DMD: variants seen among roughly 807,000 people sequenced by gnomAD.
DMD encodes the protein mutant dystrophin.
In DMD, 63 loss-of-function variants were observed where a neutral mutation model predicts 330.1. That is an observed-to-expected ratio of 0.19 (90% CI 0.16 to 0.24). DMD has a LOEUF of 0.24. Ranked by LOEUF, DMD falls within the 10% of genes least tolerant of loss-of-function variation. The probability of loss-of-function intolerance (pLI) is 1.00; values close to 1 mark genes in which losing one functional copy is unlikely to be tolerated. For synonymous variants in DMD, 1,223 were observed against 959.8 expected, an observed-to-expected ratio of 1.27 and a Z score of -5.07; for missense variants, 3,344 against 2,684.1, an observed-to-expected ratio of 1.25 and a Z score of -5.43.
chrX:31,375,580 C>T (rs774202509), intron 60 of DMD, among the ~76,000 whole-genome samples: 22 of 111,701 alleles, frequency 2.0e-4, no homozygotes, highest in Non-Finnish European at 3.2e-4. Context: ...TACTTGAGGA[C>T]ATTATGCTAC....
intron 44 of DMD, among the ~76,000 whole-genome samples, chrX:32,001,234 CT>C (rs911818761): frequency 9.0e-6 from 1 of 110,712 alleles, no homozygotes; most frequent in Non-Finnish European, 1.9e-5. Flanking sequence ...AAACTGTACA[CT>C]TTAAAAAGGC....
At chrX:32,762,167 A>T (rs5972665) in intron 7 of DMD, among the ~76,000 whole-genome samples, 1 of 105,374 alleles carries the variant, frequency 9.5e-6, no homozygotes, top group African/African-American at 3.5e-5. Context: ...AGAAAAAAAA[A>T]GAAAAAAAAA....
At chrX:32,113,441 A>G (rs1325663395) in intron 44 of DMD, among the ~76,000 whole-genome samples, 1 of 112,426 alleles carries the variant, frequency 8.9e-6, no homozygotes, top group Non-Finnish European at 1.9e-5. Flanking sequence ...TACAATTATT[A>G]TGTATCAATT....
intron 78 of DMD, among the ~76,000 whole-genome samples, chrX:31,122,616 G>C (rs1001842534): frequency 9.0e-6 from 1 of 111,358 alleles, no homozygotes; most frequent in Non-Finnish European, 1.9e-5. Context: ...ATTTGAATTA[G>C]GAAACCTCAG....
intron 63 of DMD, among the ~76,000 whole-genome samples, chrX:31,245,664 T>C (rs1038932344): frequency 2.7e-5 from 3 of 111,882 alleles, no homozygotes; most frequent in Admixed American, 9.5e-5. Flanking sequence ...AAATTTGTCA[T>C]TATTTTTATA....
At chrX:31,366,939 G>T (rs1376194845) in intron 60 of DMD, among the ~76,000 whole-genome samples, 6 of 110,346 alleles carry the variant, frequency 5.4e-5, no homozygotes, top group African/African-American at 2.0e-4. Flanking sequence ...AAATTAGGGG[G>T]TCCCTCTTCC....
rs191592754 is a variant in DMD, at chrX:32,010,584, C to G, written c.6439-42070G>C. Among the ~76,000 whole-genome samples, 23 of 111,685 alleles carry G rather than the reference C, an allele frequency of 2.1e-4. No individual in the cohort carries two copies. The Admixed American group carries it at 2.2e-3, about 11-fold the overall frequency. ...AAATACTAGCAGTCACCAAAATAAT[C>G]CAGGCTCTGGGCGTCACTGCACAAT... On this transcript the variant is annotated intron_variant, in intron 44 of 78. Transcript: ENST00000357033.
chrX:32,256,312 G>T (rs1569554152), intron 43 of DMD, among the ~76,000 whole-genome samples: 1 of 102,419 alleles, frequency 9.8e-6, no homozygotes, highest in African/African-American at 3.6e-5. Context: ...TGTAACCCCT[G>T]TTTTTTTTTT....
At chrX:32,396,928 C>T (rs911195829) in intron 30 of DMD, among the ~76,000 whole-genome samples, 2 of 111,138 alleles carry the variant, frequency 1.8e-5, no homozygotes, top group East Asian at 5.6e-4. Context: ...GTAAAAAATG[C>T]TTAGCACTTT....
At chrX:32,767,174 C>A (rs767839635) in intron 7 of DMD, among the ~76,000 whole-genome samples, 1 of 111,514 alleles carries the variant, frequency 9.0e-6, no homozygotes, top group Non-Finnish European at 1.9e-5. Context: ...TTTTGAGGCT[C>A]ATTTGCATAT....
chrX:33,062,223 A>G (rs1471487614), intron 1 of DMD, among the ~76,000 whole-genome samples: 1 of 112,011 alleles, frequency 8.9e-6, no homozygotes, highest in Non-Finnish European at 1.9e-5. Flanking sequence ...AAAATGCAGG[A>G]ACTCTGAATT....
In DMD at chrX:31,178,649, C is replaced by T. The variant is rs886042643; in HGVS notation, c.10223+20G>A. On this transcript the variant is annotated intron_variant, in intron 70 of 78. Coordinates refer to ENST00000357033, the MANE Select transcript of DMD (RefSeq NM_004006.3). ...AATATACATCAAACAAGAGTGTGTT[C>T]TGCTTTTGCTACTACTCACGTTTCC... 1.7e-6 allele frequency: 2 copies of T among 1,197,473 alleles called. No homozygotes were observed. Among genetic ancestry groups the T allele is most frequent in the African/African-American group, 1.8e-5 (1 of 56,997 alleles).
intron 74 of DMD, among the ~76,000 whole-genome samples, chrX:31,149,060 C>A (rs186117887): frequency 8.9e-6 from 1 of 112,089 alleles, no homozygotes; most frequent in East Asian, 2.8e-4. Flanking sequence ...TCACGAAAAT[C>A]TTTTCTTACA....
chrX:31,911,527 T>G (rs188973197), intron 47 of DMD, among the ~76,000 whole-genome samples: 3,102 of 111,063 alleles, frequency 0.028, 96 homozygotes, highest in African/African-American at 0.093. Context: ...TAATGACTTA[T>G]TACTTGCTGT....
chrX:32,276,164 G>A (rs1391310522), intron 43 of DMD, among the ~76,000 whole-genome samples: 4 of 112,222 alleles, frequency 3.6e-5, no homozygotes, highest in African/African-American at 6.5e-5. Context: ...GCCTGTGCAC[G>A]GAGGGAATAT....
intron 19 of DMD, among the ~76,000 whole-genome samples, chrX:32,497,493 G>T (rs934655137): frequency 1.8e-5 from 2 of 112,053 alleles, no homozygotes. Flanking sequence ...CATAATTATA[G>T]TATCTCCTCT....
chrX:33,098,424 T>C (rs2095198641), intron 1 of DMD, among the ~76,000 whole-genome samples: 1 of 111,637 alleles, frequency 9.0e-6, no homozygotes, highest in Admixed American at 9.6e-5. Flanking sequence ...CCAATTCTGC[T>C]TGAATGGGTC....
intron 44 of DMD, among the ~76,000 whole-genome samples, chrX:32,047,611 C>T (rs2096073099): frequency 9.0e-6 from 1 of 111,634 alleles, no homozygotes; most frequent in African/African-American, 3.2e-5. Context: ...TTCCTTGTCC[C>T]TTGCCTGTGA....
intron 2 of DMD, among the ~76,000 whole-genome samples, chrX:32,889,498 T>C (rs1284127305): frequency 9.0e-6 from 1 of 110,718 alleles, no homozygotes; most frequent in Non-Finnish European, 1.9e-5. Context: ...TCATATCCCC[T>C]GTGACCTGCC....
Sources: allele counts gnomAD v4.1 joint callset (sites outside exome capture counted in the v4.1 genomes callset), GRCh38; gene constraint gnomAD v4.1.1; transcripts MANE v1.5; gene names NCBI Gene and HGNC (gene_info 2026-07-23, HGNC 2026-07-21).